Variants in NEBL observed in about 807,000 individuals in gnomAD.
NEBL encodes the protein nebulette.
Under a neutral mutation model 140.2 loss-of-function variants are expected in NEBL, and 122 were observed. The ratio of observed to expected loss-of-function variants is 0.87; its 90% CI spans 0.75 to 1.01. The LOEUF is 1.01. Among genes scored for constraint, NEBL ranks in the 50% least tolerant of loss-of-function variants. The pLI is 0.00. For missense variants in NEBL, 1,365 were observed against 1,231.3 expected (o/e 1.11, Z -1.62); for synonymous variants, 436 against 398.9 (o/e 1.09, Z -1.11).
rs1315186051 is a variant in NEBL, at chr10:21,034,265, G to A, written c.165-14064C>T. 2.7e-5 allele frequency among the ~76,000 whole-genome samples: 4 copies of A among 147,422 alleles called. No individual in the cohort carries two copies. In the East Asian group the frequency reaches 8.1e-4, roughly 30 times the overall value. On this transcript the variant is annotated intron_variant, in intron 2 of 6. Transcript: ENST00000417816. Reference sequence around the variant, plus strand: ...CATTAAAATACTATGGTCTATAAATGTATGGCCCAAAATAATAAATAAGCT... The same window carrying A: ...CATTAAAATACTATGGTCTATAAATATATGGCCCAAAATAATAAATAAGCT...
chr10:21,168,290 C>T (rs1234575537), intron 2 of NEBL, among the ~76,000 whole-genome samples: 2 of 152,122 alleles, frequency 1.3e-5, no homozygotes, highest in Non-Finnish European at 2.9e-5. Flanking sequence ...TGTCTATGCT[C>T]ATGGTTTCCA....
intron 7 of NEBL, among the ~76,000 whole-genome samples, chr10:20,862,503 G>A (rs1024694184): frequency 2.0e-5 from 3 of 152,066 alleles, no homozygotes; most frequent in South Asian, 2.1e-4. Context: ...ACTCACCTTC[G>A]GACTTGTTCA....
At chr10:20,861,368 AG>A (rs1472854467) in intron 7 of NEBL, among the ~76,000 whole-genome samples, 1 of 152,056 alleles carries the variant, frequency 6.6e-6, no homozygotes, top group Non-Finnish European at 1.5e-5. Context: ...TAGCAGAGAC[AG>A]GGTTTCACCA....
intron 24 of NEBL, 50 bp from the exon 25 acceptor site, chr10:20,809,948 A>AT: frequency 9.3e-7 from 1 of 1,073,036 alleles, no homozygotes; most frequent in Non-Finnish European, 1.4e-6. Context: ...AATTTAAAAA[A>AT]GGAAAAAAAA....
intron 2 of NEBL, among the ~76,000 whole-genome samples, chr10:21,092,219 G>A (rs768904036): frequency 2.0e-5 from 3 of 152,128 alleles, no homozygotes; most frequent in Admixed American, 6.5e-5. Context: ...CATGTTCTAC[G>A]GGTGTGCCAT....
chr10:21,123,193 T>C (rs1476339068), intron 2 of NEBL, among the ~76,000 whole-genome samples: 2 of 152,304 alleles, frequency 1.3e-5, no homozygotes, highest in East Asian at 3.9e-4. Flanking sequence ...CTCTTAAAAA[T>C]CCAGCAAGTG....
upstream of NEBL, among the ~76,000 whole-genome samples, chr10:20,900,475 C>T (rs952880923): frequency 5.3e-5 from 8 of 151,760 alleles, no homozygotes; most frequent in South Asian, 6.2e-4. Flanking sequence ...GTCAGGAGTT[C>T]GAGACCAGCC....
intron 4 of NEBL, among the ~76,000 whole-genome samples, chr10:20,913,677 T>C (rs753160593): frequency 6.6e-6 from 1 of 152,218 alleles, no homozygotes; most frequent in Non-Finnish European, 1.5e-5. Context: ...TTTGACTTTT[T>C]GATCAATATC....
intron 13 of NEBL, among the ~76,000 whole-genome samples, chr10:20,837,339 T>C (rs894937027): frequency 6.6e-6 from 1 of 152,100 alleles, no homozygotes; most frequent in African/African-American, 2.4e-5. Context: ...TCTGAATAGG[T>C]CAAACCAGAC....
At chr10:21,002,149 TG>T (rs1251553014) in intron 3 of NEBL, among the ~76,000 whole-genome samples, 4 of 151,830 alleles carry the variant, frequency 2.6e-5, no homozygotes, top group African/African-American at 7.2e-5. Context: ...ATCCTTGATG[TG>T]GGAAGGAGGG....
intron 2 of NEBL, among the ~76,000 whole-genome samples, chr10:21,168,771 G>A (rs374496690): frequency 2.6e-5 from 4 of 151,966 alleles, no homozygotes; most frequent in East Asian, 1.9e-4. Context: ...AACAGTGGCC[G>A]GGCGCGGTGG....
chr10:21,106,638 CT>C (rs990811832), intron 2 of NEBL, among the ~76,000 whole-genome samples: 1 of 152,128 alleles, frequency 6.6e-6, no homozygotes, highest in African/African-American at 2.4e-5. Flanking sequence ...CCACTTTGTT[CT>C]TTTTGCTTAG....
chr10:21,184,219 T>G (rs1462694142), intron 3 of NEBL, among the ~76,000 whole-genome samples: 2 of 152,194 alleles, frequency 1.3e-5, no homozygotes, highest in African/African-American at 4.8e-5. Context: ...CATTTTCCAG[T>G]GAAATATGGG....
intron 4 of NEBL, among the ~76,000 whole-genome samples, chr10:20,930,831 T>A (rs1834147195): frequency 6.6e-6 from 1 of 152,206 alleles, no homozygotes; most frequent in Non-Finnish European, 1.5e-5. Context: ...ACCATAAGGT[T>A]TGCCTAGAAT....
intron 8 of NEBL, 75 bp downstream of exon 8, chr10:20,859,638 T>G: frequency 2.0e-6 from 2 of 1,004,076 alleles, no homozygotes; most frequent in Non-Finnish European, 3.1e-6. Context: ...GTATCAGTAA[T>G]TACAACACAG....
intron 4 of NEBL, among the ~76,000 whole-genome samples, chr10:20,934,040 T>A (rs1424664610): frequency 2.6e-5 from 4 of 151,198 alleles, no homozygotes; most frequent in South Asian, 2.1e-4. Context: ...TGTTGAAATT[T>A]AAAAAAAAAG....
Position 20,796,261 on chromosome 10 carries a change from G to C in NEBL, c.2762-8953C>G, listed in dbSNP as rs1447521309. Reference sequence around the variant, plus strand: ...GCCCGTTATCCCAGCTTCTCAGGAGGCTGAGGAGAATCGCTTGAACCCAGG... The same window carrying C: ...GCCCGTTATCCCAGCTTCTCAGGAGCCTGAGGAGAATCGCTTGAACCCAGG... On this transcript the variant is annotated intron_variant, in intron 26 of 27. Coordinates refer to ENST00000377122, the MANE Select transcript of NEBL (RefSeq NM_006393.3). Among the ~76,000 whole-genome samples, 4 of 150,506 alleles carry C rather than the reference G, an allele frequency of 2.7e-5. No homozygotes were observed. The Admixed American group carries it at 2.7e-4, about 10-fold the overall frequency.
intron 2 of NEBL, among the ~76,000 whole-genome samples, chr10:21,061,295 A>ATTACATATTATGTGATATGTAACATG (rs1564497017): frequency 0.019 from 2,171 of 116,688 alleles, 75 homozygotes; most frequent in Middle Eastern, 0.025. Flanking sequence ...TATGTAACAT[A>ATTACATATTATGTGATATGTAACATG]TTACATATTA....
intron 4 of NEBL, among the ~76,000 whole-genome samples, chr10:20,940,265 C>T (rs907497254): frequency 8.6e-5 from 13 of 151,644 alleles, no homozygotes; most frequent in Non-Finnish European, 1.5e-4. Context: ...CAAACTAGAA[C>T]TCAGGATTAA....
Sources: gnomAD v4.1 joint callset for allele counts (sites outside exome capture counted in the v4.1 genomes callset) on GRCh38, gnomAD v4.1.1 for gene constraint, MANE v1.5 for transcripts, NCBI Gene and HGNC (gene_info 2026-07-23, HGNC 2026-07-21) for gene names.